Variants in NDUFAF2 observed in about 807,000 individuals in gnomAD.
NDUFAF2 encodes the protein NADH:ubiquinone oxidoreductase complex assembly factor 2.
A neutral mutation model predicts 22.8 loss-of-function variants in NDUFAF2; 13 were observed. That is an observed-to-expected ratio of 0.57 (90% confidence interval 0.37 to 0.91). The LOEUF (loss-of-function observed/expected upper bound fraction) is 0.91. Ranked by LOEUF, NDUFAF2 falls within the 40% of genes least tolerant of loss-of-function variation. NDUFAF2 has a pLI of 0.01. For synonymous variants in NDUFAF2, 53 were observed against 64.2 expected (o/e 0.83, Z 0.84); for missense variants, 162 against 195.2 (o/e 0.83, Z 1.01).
At chr5:61,052,682 CTAATG>C in intron 1 of NDUFAF2, among the ~76,000 whole-genome samples, 1 of 152,254 alleles carries the variant, frequency 6.6e-6, no homozygotes, top group East Asian at 1.9e-4. Flanking sequence ...TAAGTAGACA[CTAATG>C]TAATGAACAA....
intron 1 of NDUFAF2, among the ~76,000 whole-genome samples, chr5:60,957,683 G>A (rs1355434836): frequency 6.6e-6 from 1 of 152,074 alleles, no homozygotes; most frequent in African/African-American, 2.4e-5. Context: ...GCTCCTCATT[G>A]TGCTCTGGTA....
intron 3 of NDUFAF2, among the ~76,000 whole-genome samples, chr5:61,130,784 G>A (rs1420066778): frequency 6.6e-6 from 1 of 152,146 alleles, no homozygotes; most frequent in Non-Finnish European, 1.5e-5. Flanking sequence ...TGCCTATTCT[G>A]TGTTAGATGT....
chr5:61,132,946 A>G (rs547499220), intron 3 of NDUFAF2, among the ~76,000 whole-genome samples: 25 of 151,750 alleles, frequency 1.6e-4, no homozygotes, highest in African/African-American at 5.8e-4. Context: ...CAATCCCATA[A>G]TAAGAAGGGA....
intron 2 of NDUFAF2, among the ~76,000 whole-genome samples, chr5:61,077,987 A>G (rs1425995890): frequency 6.6e-6 from 1 of 152,204 alleles, no homozygotes; most frequent in Non-Finnish European, 1.5e-5. Context: ...TACTGCCTAC[A>G]TCATTTATAA....
chr5:61,009,988 A>G (rs1580093252), intron 1 of NDUFAF2, among the ~76,000 whole-genome samples: 1 of 152,120 alleles, frequency 6.6e-6, no homozygotes, highest in South Asian at 2.1e-4. Flanking sequence ...GTCAGACTTA[A>G]CTCTTTCTGA....
chr5:61,133,919 A>C (rs1439238883), intron 3 of NDUFAF2, among the ~76,000 whole-genome samples: 1 of 152,266 alleles, frequency 6.6e-6, no homozygotes, highest in Non-Finnish European at 1.5e-5. Flanking sequence ...CCTCTGCCCT[A>C]GCAATCTAAG....
intron 1 of NDUFAF2, among the ~76,000 whole-genome samples, chr5:61,023,236 A>G (rs963920489): frequency 1.3e-5 from 2 of 151,052 alleles, no homozygotes; most frequent in East Asian, 3.9e-4. Context: ...TTTTTTATTG[A>G]ATTTCTCTTT....
At chr5:61,110,277 CT>C (rs555239091) in intron 3 of NDUFAF2, among the ~76,000 whole-genome samples, 108 of 142,502 alleles carry the variant, frequency 7.6e-4, no homozygotes, top group African/African-American at 9.4e-4. Flanking sequence ...TCTTCTTCTT[CT>C]TTTTTTTTTT....
chr5:61,035,141 A>T (rs542890316), intron 1 of NDUFAF2, among the ~76,000 whole-genome samples: 1 of 150,748 alleles, frequency 6.6e-6, no homozygotes, highest in South Asian at 2.1e-4. Context: ...ATCTCAGCTT[A>T]CTGCAACCTC....
chr5:60,984,564 T>A (rs1285915112), intron 1 of NDUFAF2, among the ~76,000 whole-genome samples: 2 of 152,090 alleles, frequency 1.3e-5, no homozygotes, highest in Non-Finnish European at 2.9e-5. Flanking sequence ...TATTTTGAGA[T>A]ACGTCCCATC....
At chr5:60,986,439 A>G (rs140539320) in intron 1 of NDUFAF2, among the ~76,000 whole-genome samples, 1 of 152,302 alleles carries the variant, frequency 6.6e-6, no homozygotes, top group East Asian at 1.9e-4. Context: ...AAGATACAAC[A>G]TACTAGAATC....
chr5:60,946,570 C>G (rs1750459713), intron 1 of NDUFAF2, among the ~76,000 whole-genome samples: 1 of 152,158 alleles, frequency 6.6e-6, no homozygotes, highest in African/African-American at 2.4e-5. Context: ...TATTTCTTGA[C>G]AGGTTGCAAG....
chr5:60,969,118 G>A lies in NDUFAF2; in HGVS notation c.127+23736G>A, dbSNP rs553464436. 2.0e-5 allele frequency among the ~76,000 whole-genome samples: 3 copies of A among 152,096 alleles called. No homozygotes were observed. In the East Asian group the frequency reaches 5.8e-4, roughly 29 times the overall value. On this transcript the variant is annotated intron_variant, in intron 1 of 3. Coordinates refer to ENST00000296597, the MANE Select transcript of NDUFAF2 (RefSeq NM_174889.5). ...TTTCTTTATTCATTTGTCTGTTAAC[G>A]GACATTTAGGTTGCTTCCAAATCTT...
chr5:61,128,277 C>T (rs950848840), intron 3 of NDUFAF2, among the ~76,000 whole-genome samples: 2 of 149,362 alleles, frequency 1.3e-5, no homozygotes, highest in Non-Finnish European at 3.0e-5. Context: ...TGACTTTCTT[C>T]ACAGAATTGG....
chr5:61,070,596 T>TACACAC (rs10651718), intron 1 of NDUFAF2, among the ~76,000 whole-genome samples: 7,822 of 147,994 alleles, frequency 0.053, 225 homozygotes, highest in African/African-American at 0.07. Context: ...TGTCTTTGCA[T>TACACAC]ACACACACAC....
intron 3 of NDUFAF2, among the ~76,000 whole-genome samples, chr5:61,122,896 A>G (rs1302298094): frequency 6.6e-6 from 1 of 152,126 alleles, no homozygotes; most frequent in East Asian, 1.9e-4. Flanking sequence ...CTTCTCTGAC[A>G]CTGTGGCATG....
intron 1 of NDUFAF2, among the ~76,000 whole-genome samples, chr5:61,040,946 G>T (rs1200238957): frequency 1.3e-5 from 2 of 152,122 alleles, no homozygotes; most frequent in Non-Finnish European, 2.9e-5. Context: ...ATCCCTAAGG[G>T]ACTGTCAACC....
intron 1 of NDUFAF2, among the ~76,000 whole-genome samples, chr5:61,040,286 A>ACACACACACACACGCGCGCGCG (rs1491193758): frequency 1.1e-5 from 1 of 93,074 alleles, no homozygotes; most frequent in African/African-American, 4.3e-5. Flanking sequence ...ACACACACAC[A>ACACACACACACACGCGCGCGCG]CGCGCGCGCG....
chr5:61,127,373 T>C (rs569550371), intron 3 of NDUFAF2, among the ~76,000 whole-genome samples: 27 of 152,244 alleles, frequency 1.8e-4, no homozygotes, highest in African/African-American at 6.3e-4. Flanking sequence ...TGAACATTGA[T>C]GCAAAAATCC....
Sources: allele counts gnomAD v4.1 joint callset (sites outside exome capture counted in the v4.1 genomes callset), GRCh38; gene constraint gnomAD v4.1.1; transcripts MANE v1.5; gene names NCBI Gene and HGNC (gene_info 2026-07-23, HGNC 2026-07-21).